ELFN1: variants seen among roughly 807,000 people sequenced by gnomAD.
ELFN1 encodes the protein protein ELFN1.
Under a neutral mutation model 7.6 loss-of-function variants are expected in ELFN1, and 6 were observed. The observed-to-expected ratio is 0.79, with a 90% CI of 0.43 to 1.56. ELFN1 has a LOEUF of 1.56. ELFN1 is among the 40% of genes most tolerant of loss of function. The pLI, the probability that ELFN1 is intolerant of heterozygous loss-of-function variation, is 0.01. For synonymous variants in ELFN1, 657 were observed against 588.1 expected, an observed-to-expected ratio of 1.12 and a Z score of -1.70; for missense variants, 1,169 against 1,232.2, an observed-to-expected ratio of 0.95 and a Z score of 0.77.
intron 3 of ELFN1, among the ~76,000 whole-genome samples, chr7:1,734,725 A>G (rs1198285791): frequency 6.7e-6 from 1 of 150,156 alleles, no homozygotes; most frequent in East Asian, 1.9e-4. Flanking sequence ...TTTTTGAGAC[A>G]GGATCTCTGT....
At chr7:1,701,394 G>C (rs901531160) in intron 2 of ELFN1, among the ~76,000 whole-genome samples, 20 of 152,090 alleles carry the variant, frequency 1.3e-4, no homozygotes, top group African/African-American at 4.8e-4. Context: ...TTCTTTTGTT[G>C]CCCAGGCTAG....
Position 1,694,058 on chromosome 7 carries a change from G to A in ELFN1, c.-456+5908G>A, listed in dbSNP as rs1779244001. ...CAGGGCCACAGACTCAGCAGGGAGC[G>A]CCCAGTCTGTGGTCCTGGTCTCACT... On this transcript the variant is annotated intron_variant, in intron 2 of 3. Coordinates refer to ENST00000424383, the MANE Select transcript of ELFN1 (RefSeq NM_001128636.4). The A allele has an allele frequency of 1.9e-5, 6 of 314,754 alleles. 1 individual carries two copies. The highest frequency in any genetic ancestry group is 1.2e-4 in the South Asian group (4 of 32,712). The allele number at this position is 314,754 out of a possible 1,614,324, so 19.5% of individuals were successfully genotyped here.
chr7:1,686,183 G>C (rs1414472414), intron 1 of ELFN1, among the ~76,000 whole-genome samples: 2 of 151,708 alleles, frequency 1.3e-5, no homozygotes, highest in African/African-American at 4.8e-5. Flanking sequence ...GTATTCCCAA[G>C]AGTTGCTAGT....
At chr7:1,711,858 G>C (rs115210206) in intron 3 of ELFN1, among the ~76,000 whole-genome samples, 4,358 of 152,292 alleles carry the variant, frequency 0.029, 224 homozygotes, top group African/African-American at 0.1. Context: ...AGGGCAGTCT[G>C]GGGGAGGGGG....
rs554110132 is a variant in ELFN1 at position 1,735,517 on chromosome 7, G to A, written c.-293-8787G>A. Among the ~76,000 whole-genome samples the A allele has an allele frequency of 7.2e-5, 11 of 152,092 alleles. No individual in the cohort carries two copies. Among genetic ancestry groups the A allele is most frequent in the East Asian group, 3.9e-4 (2 of 5,168 alleles). On this transcript the variant is annotated intron_variant, in intron 3 of 3. Transcript: ENST00000424383. The surrounding 1 kb of genome is among the most constrained non-coding windows in gnomAD (Gnocchi z 5.9). ...GGCCATGTCCCCAGGAGCCAGCCCCGCCGAGTCAGCCCTCCCAGCCCTGGC... is the reference window on the plus strand; with the variant it reads ...GGCCATGTCCCCAGGAGCCAGCCCCACCGAGTCAGCCCTCCCAGCCCTGGC...
At chr7:1,674,345 C>T (rs936834063) in intron 1 of ELFN1, among the ~76,000 whole-genome samples, 1 of 152,148 alleles carries the variant, frequency 6.6e-6, no homozygotes, top group Non-Finnish European at 1.5e-5. Context: ...GGTGGGAGAC[C>T]CTGGAGTCTC....
intron 2 of ELFN1, among the ~76,000 whole-genome samples, chr7:1,708,654 G>A (rs1779587063): frequency 6.6e-6 from 1 of 152,128 alleles, no homozygotes; most frequent in African/African-American, 2.4e-5. Context: ...CCTCCTGGAG[G>A]GATGTTGGAT....
chr7:1,742,717 C>T (rs556532236), intron 3 of ELFN1, among the ~76,000 whole-genome samples: 2 of 152,346 alleles, frequency 1.3e-5, no homozygotes, highest in African/African-American at 2.4e-5. Context: ...CCCCGAGGCC[C>T]GCTAGGACCT....
At position 1,735,368 on chromosome 7, in the gene ELFN1, A is replaced by T. The variant is rs1780416977; in HGVS notation, c.-293-8936A>T. ...TTCCCATAGCCCCTTGACCTTCCCC[A>T]GCACTCACCGAGTCCTCACACAGTG... On this transcript the variant is annotated intron_variant, in intron 3 of 3. Transcript: ENST00000424383. The surrounding 1 kb of genome is among the most constrained non-coding windows in gnomAD (Gnocchi z 5.9). 6.6e-6 allele frequency among the ~76,000 whole-genome samples: 1 copy of T among 151,918 alleles called. No individual in the cohort carries two copies. The highest frequency in any genetic ancestry group is 2.1e-4 in the South Asian group (1 of 4,802).
At chr7:1,738,651 C>T (rs1200733291) in intron 3 of ELFN1, 2 of 151,974 alleles carry the variant, frequency 1.3e-5, no homozygotes, top group East Asian at 3.9e-4. Context: ...CCACAAGCTC[C>T]CTGGGAGGAG....
chr7:1,671,784 G>A (rs865793064), intron 1 of ELFN1, among the ~76,000 whole-genome samples: 68 of 152,236 alleles, frequency 4.5e-4, no homozygotes, highest in African/African-American at 1.6e-3. Context: ...TGGCTTACAG[G>A]TCCCAGCCCA....
chr7:1,716,787 G>A (rs946435157), intron 3 of ELFN1, among the ~76,000 whole-genome samples: 2 of 152,204 alleles, frequency 1.3e-5, no homozygotes, highest in Non-Finnish European at 2.9e-5. Flanking sequence ...AGAGCGTGCA[G>A]GGGAACTGGA....
At chr7:1,669,460 G>C (rs1002242658), upstream of ELFN1, among the ~76,000 whole-genome samples, 2 of 152,064 alleles carry the variant, frequency 1.3e-5, no homozygotes, top group Non-Finnish European at 2.9e-5. Context: ...TGCCCGGCCC[G>C]AGCGTGGAGT....
rs1780566570 is a variant in ELFN1, at chr7:1,740,103, G to C, written c.-293-4201G>C. On this transcript the variant is annotated intron_variant, in intron 3 of 3. Coordinates refer to ENST00000424383, the MANE Select transcript of ELFN1 (RefSeq NM_001128636.4). This position sits in a 1 kb window ranked among gnomAD's most constrained non-coding sequence, Gnocchi z 5.0. ...TCCAAGAAAGTGGTGTGGGCAGGAT[G>C]GCATTGCAGAGGGCTGGAGGTATCA... Among the ~76,000 whole-genome samples, 1 of 152,218 alleles carries C rather than the reference G, an allele frequency of 6.6e-6. No homozygotes were observed. The highest frequency in any genetic ancestry group is 1.5e-5 in the Non-Finnish European group (1 of 68,030).
At position 1,745,430 on chromosome 7, in the gene ELFN1, C is replaced by CCCGCCT. The variant is rs1297984972; in HGVS notation, c.840_845dup (p.Pro281_Pro282dup). ...CACAGCCGGGCCGCTCCCCGCCGCC[C>CCCGCCT]CCGCCTCCGCCGGAGCCCAGTGACA... On this transcript the variant is annotated inframe_insertion, in exon 4 of 4. Transcript: ENST00000424383. 6.5e-7 allele frequency: 1 copy of CCCGCCT among 1,539,494 alleles called. No individual in the cohort carries two copies. The highest frequency in any genetic ancestry group is 8.7e-7 in the Non-Finnish European group (1 of 1,146,234).
chr7:1,689,877 C>G (rs1779124730), intron 2 of ELFN1, among the ~76,000 whole-genome samples: 1 of 152,176 alleles, frequency 6.6e-6, no homozygotes, highest in African/African-American at 2.4e-5. Context: ...AACAGGAGCT[C>G]TTCCCCAAGC....
At chr7:1,704,042 G>A (rs1779480778) in intron 2 of ELFN1, among the ~76,000 whole-genome samples, 1 of 152,370 alleles carries the variant, frequency 6.6e-6, no homozygotes, top group Middle Eastern at 3.4e-3. Context: ...TGAAAACAGG[G>A]ATAATAAAGC....
upstream of ELFN1, among the ~76,000 whole-genome samples, chr7:1,669,455 G>C (rs948688024): frequency 6.6e-6 from 1 of 152,124 alleles, no homozygotes; most frequent in Non-Finnish European, 1.5e-5. Flanking sequence ...GGGCCTGCCC[G>C]GCCCGAGCGT....
At chr7:1,736,281 C>T (rs147237542) in intron 3 of ELFN1, among the ~76,000 whole-genome samples, 2 of 152,292 alleles carry the variant, frequency 1.3e-5, no homozygotes, top group Non-Finnish European at 2.9e-5. Flanking sequence ...CTCCCCCACA[C>T]GTCTGGCCCT....
Sources: gnomAD v4.1 joint callset for allele counts (sites outside exome capture counted in the v4.1 genomes callset) on GRCh38, gnomAD v4.1.1 for gene constraint, Gnocchi (gnomAD v3.1) non-coding constraint, MANE v1.5 for transcripts, NCBI Gene and HGNC (gene_info 2026-07-23, HGNC 2026-07-21) for gene names.